TCF20: variants seen among roughly 807,000 people sequenced by gnomAD.
The protein encoded by TCF20 is SPRE-binding protein.
TCF20 carries 3 observed loss-of-function variants against 148.6 expected under a neutral mutation model. The ratio of observed to expected loss-of-function variants is 0.02; its 90% CI spans 0.01 to 0.05. TCF20 has a LOEUF of 0.05. Among genes scored for constraint, TCF20 ranks in the 10% least tolerant of loss-of-function variants. TCF20 has a pLI of 1.00. For missense variants in TCF20, 2,350 were observed against 2,429.3 expected (o/e 0.97, Z 0.69); for synonymous variants, 1,049 against 909.5 (o/e 1.15, Z -2.76).
chr22:42,232,117 C>G lies in TCF20; in HGVS notation c.-36-16776G>C, dbSNP rs1923472572. On this transcript the variant is annotated intron_variant, in intron 1 of 5. Coordinates refer to ENST00000677622, the MANE Select transcript of TCF20 (RefSeq NM_001378418.1). ...GACTCACCCAGAACAACTTCCTTAT[C>G]TTTTATACCTTATTTTTACTGTACC... Among the ~76,000 whole-genome samples, 6 of 152,090 alleles carry G rather than the reference C, an allele frequency of 3.9e-5. No individual in the cohort carries two copies. In the South Asian group the frequency reaches 1.2e-3, roughly 31 times the overall value.
chr22:42,279,251 T>G lies in TCF20; in HGVS notation c.-37+4576A>C, dbSNP rs1288863789. 6.6e-6 allele frequency among the ~76,000 whole-genome samples: 1 copy of G among 152,138 alleles called. No homozygotes were observed. The highest frequency in any genetic ancestry group is 1.5e-5 in the Non-Finnish European group (1 of 68,030). ...CAGGTGCAGTGGCTCATACCTGTAGTCCCAGCACTTTGGGAGGCTGAGGCG... is the reference window on the plus strand; with the variant it reads ...CAGGTGCAGTGGCTCATACCTGTAGGCCCAGCACTTTGGGAGGCTGAGGCG... On this transcript the variant is annotated intron_variant, in intron 1 of 5. Transcript: ENST00000359486. This position sits in a 1 kb window ranked among gnomAD's most constrained non-coding sequence, Gnocchi z 4.3.
chr22:42,168,560 C>T, intron 5 of TCF20, 49 bp downstream of exon 5: 1 of 1,535,904 alleles, frequency 6.5e-7, no homozygotes, highest in Admixed American at 2.0e-5. Context: ...GGCAACGACG[C>T]CTGCTGGGAG....
rs764952089 is a variant in TCF20, at chr22:42,214,725, A to G, written c.581T>C (p.Leu194Pro). 6.2e-7 allele frequency: 1 copy of G among 1,614,084 alleles called. No individual in the cohort carries two copies. Among genetic ancestry groups the G allele is most frequent in the South Asian group, 1.1e-5 (1 of 91,080 alleles). ...TGCTGGTTGGCCAGTGGCCTGTGGC[A>G]GGGGCTGATGGGACTGGTAAAGCTG... ...RQQLYQSHQP[L>P]PQATGQPASS... Residue 194 changes from leucine to proline, a missense_variant, in exon 2 of 6, where the codon CTG becomes CCG. Physicochemically the swap from Leu to Pro is moderately conservative, Grantham distance 98 (BLOSUM62 -3). This residue lies in a region of TCF20 where 1,641 missense variants were observed against 1,662.6 expected (regional missense o/e 0.99). Transcript: ENST00000677622.
chr22:42,168,568 G>A, intron 5 of TCF20, 41 bp downstream of exon 5: 1 of 1,538,402 alleles, frequency 6.5e-7, no homozygotes, highest in Middle Eastern at 2.3e-4. Flanking sequence ...CGCCTGCTGG[G>A]AGCCGGGCAG....
chr22:42,288,011 CAA>C (rs1339621524), upstream of TCF20, among the ~76,000 whole-genome samples: 1 of 152,198 alleles, frequency 6.6e-6, no homozygotes, highest in Non-Finnish European at 1.5e-5. Context: ...GCACCCTGGG[CAA>C]AGAGGAGGCA....
At chr22:42,314,795 A>G (rs958542820) in intron 1 of TCF20, among the ~76,000 whole-genome samples, 2 of 152,160 alleles carry the variant, frequency 1.3e-5, no homozygotes, top group Non-Finnish European at 2.9e-5. Flanking sequence ...CTGGAGCAGC[A>G]TCTGGAGAGG....
chr22:42,207,120 G>C (rs944087638), intron 2 of TCF20, among the ~76,000 whole-genome samples: 9 of 152,166 alleles, frequency 5.9e-5, no homozygotes, highest in African/African-American at 9.7e-5. Flanking sequence ...CTGAAAAATA[G>C]AGCATTAGCC....
chr22:42,290,663 G>A lies in TCF20; in HGVS notation c.-37+52816C>T, dbSNP rs1373564024. ...GCGCGTGCCCCTGAGCCCACTCGCT[G>A]TGGCTGCAGCATACACCGCTGGGCC... On this transcript the variant is annotated intron_variant, in intron 1 of 1. Transcript: ENST00000515426. The surrounding 1 kb of genome is among the most constrained non-coding windows in gnomAD (Gnocchi z 4.2). 6.6e-6 allele frequency among the ~76,000 whole-genome samples: 1 copy of A among 152,236 alleles called. No individual in the cohort carries two copies. Among genetic ancestry groups the A allele is most frequent in the Non-Finnish European group, 1.5e-5 (1 of 68,038 alleles).
chr22:42,227,860 A>C (rs1032710928), intron 1 of TCF20, among the ~76,000 whole-genome samples: 3 of 152,174 alleles, frequency 2.0e-5, no homozygotes, highest in Non-Finnish European at 4.4e-5. Flanking sequence ...ATGGCAACCC[A>C]TCCCACTACT....
chr22:42,343,489 G>C (rs1054881318), exon 1 of TCF20: 8 of 150,022 alleles, frequency 5.3e-5, no homozygotes, highest in African/African-American at 1.9e-4. Flanking sequence ...CCTGGCGGCC[G>C]GAGGGCCGGC....
In TCF20 at chr22:42,290,474, C is replaced by A. The variant is rs1178382113; in HGVS notation, c.-37+53005G>T. ...TGGGTCAGCTGTGGGTGTGACCAGG[C>A]CATGGAGCGGGCAGGCTGGGGGCAC... is the stretch of plus-strand genomic sequence containing the variant. On this transcript the variant is annotated intron_variant, in intron 1 of 1. Coordinates refer to the TCF20 transcript ENST00000515426. This position sits in a 1 kb window ranked among gnomAD's most constrained non-coding sequence, Gnocchi z 4.2. Among the ~76,000 whole-genome samples, 1 of 152,182 alleles carries A rather than the reference C, an allele frequency of 6.6e-6. No individual in the cohort carries two copies. The highest frequency in any genetic ancestry group is 6.5e-5 in the Admixed American group (1 of 15,280).
rs1277736209 is a variant in TCF20 at position 42,279,266 on chromosome 22, A to G, written c.-37+4561T>C. Among the ~76,000 whole-genome samples, 1 of 152,086 alleles carries G rather than the reference A, an allele frequency of 6.6e-6. No homozygotes were observed. The highest frequency in any genetic ancestry group is 1.5e-5 in the Non-Finnish European group (1 of 68,016). On this transcript the variant is annotated intron_variant, in intron 1 of 5. Coordinates refer to the TCF20 transcript ENST00000359486. The surrounding 1 kb of genome is among the most constrained non-coding windows in gnomAD (Gnocchi z 4.3). ...ATACCTGTAGTCCCAGCACTTTGGG[A>G]GGCTGAGGCGGGCGGATCACCTGAG... is the stretch of plus-strand genomic sequence containing the variant.
rs753309503 is a variant in TCF20 at position 42,215,074 on chromosome 22, C to G, written c.232G>C (p.Gly78Arg). 4.7e-5 allele frequency: 76 copies of G among 1,614,100 alleles called. No homozygotes were observed. The highest frequency in any genetic ancestry group is 6.1e-5 in the Non-Finnish European group (72 of 1,180,048). Residue 78 changes from glycine (G) to arginine (R), a missense_variant, in exon 2 of 6, where the codon GGT becomes CGT. Gly to Arg is a moderately radical substitution (Grantham distance 125). Transcript: ENST00000677622. ...AMASETSGHQ[G>R]YQGFRKEAGD... is the part of the protein sequence containing the mutation. ...GCCTCTTTCCTGAAACCCTGGTAAC[C>G]TTGATGGCCAGAGGTCTCGCTAGCC... is the stretch of plus-strand genomic sequence containing the variant.
intron 3 of TCF20, among the ~76,000 whole-genome samples, chr22:42,172,213 C>T (rs1474811572): frequency 6.6e-6 from 1 of 152,230 alleles, no homozygotes; most frequent in Admixed American, 6.5e-5. Flanking sequence ...GCACAATTCA[C>T]GTTCCTGGCA....
chr22:42,193,437 T>C (rs1937441751), intron 2 of TCF20, among the ~76,000 whole-genome samples: 1 of 151,668 alleles, frequency 6.6e-6, no homozygotes, highest in Non-Finnish European at 1.5e-5. Context: ...GCTAGAGGAA[T>C]CCTCTTGCCT....
upstream of TCF20, chr22:42,273,825 C>T (rs1167734243): frequency 6.6e-6 from 1 of 152,560 alleles, no homozygotes; most frequent in Non-Finnish European, 1.5e-5. Flanking sequence ...CCTTTTATTA[C>T]AAACTCCTCT....
At chr22:42,224,862 C>A (rs1302889230) in intron 1 of TCF20, among the ~76,000 whole-genome samples, 6 of 152,244 alleles carry the variant, frequency 3.9e-5, no homozygotes, top group South Asian at 2.1e-4. Flanking sequence ...GAAAATGAGG[C>A]ATTCATTTAG....
At chr22:42,293,835 A>G (rs574414761) in intron 1 of TCF20, among the ~76,000 whole-genome samples, 28 of 152,218 alleles carry the variant, frequency 1.8e-4, no homozygotes, top group Non-Finnish European at 3.5e-4. Flanking sequence ...CACCGTCTCT[A>G]CTAACATTAC....
At chr22:42,200,328 T>C (rs942943211) in intron 2 of TCF20, among the ~76,000 whole-genome samples, 1 of 152,114 alleles carries the variant, frequency 6.6e-6, no homozygotes, top group African/African-American at 2.4e-5. Context: ...TTCCCAAACC[T>C]GCTGCATCTA....
Sources: allele counts gnomAD v4.1 joint callset (sites outside exome capture counted in the v4.1 genomes callset), GRCh38; gene constraint gnomAD v4.1.1; regional missense constraint gnomAD v4.1.1; non-coding constraint Gnocchi (gnomAD v3.1); transcripts MANE v1.5; gene names NCBI Gene and HGNC (gene_info 2026-07-23, HGNC 2026-07-21).